Variants in C11orf65 observed in about 807,000 individuals in gnomAD.
C11orf65 encodes the protein chromosome 11 open reading frame 65.
In C11orf65, 38 loss-of-function variants were observed where a neutral mutation model predicts 35.3. The observed-to-expected ratio is 1.08, with a 90% confidence interval of 0.83 to 1.41. The LOEUF (loss-of-function observed/expected upper bound fraction) is 1.41. C11orf65 is among the 40% of genes most tolerant of loss of function. C11orf65 has a pLI of 0.00. For synonymous variants in C11orf65, 105 were observed against 114.4 expected (o/e 0.92, Z 0.53); for missense variants, 370 against 367.1 (o/e 1.01, Z -0.06).
intron 2 of C11orf65, among the ~76,000 whole-genome samples, chr11:108,445,531 G>A (rs890432096): frequency 1.3e-5 from 2 of 152,260 alleles, no homozygotes; most frequent in Admixed American, 6.5e-5. Context: ...TGGACCTCTA[G>A]CAAACTCCAA....
At chr11:108,384,172 T>C (rs2091933405) in intron 8 of C11orf65, among the ~76,000 whole-genome samples, 1 of 152,106 alleles carries the variant, frequency 6.6e-6, no homozygotes, top group Non-Finnish European at 1.5e-5. Flanking sequence ...TCTGTGCTGA[T>C]TTAAATTTGT....
At chr11:108,384,561 G>A (rs1409098867) in intron 8 of C11orf65, among the ~76,000 whole-genome samples, 1 of 152,110 alleles carries the variant, frequency 6.6e-6, no homozygotes, top group Non-Finnish European at 1.5e-5. Context: ...AAGCCAAGAT[G>A]GGCAGATCAC....
intron 2 of C11orf65, among the ~76,000 whole-genome samples, chr11:108,358,935 C>A (rs921467171): frequency 6.2e-4 from 94 of 151,464 alleles, no homozygotes; most frequent in Non-Finnish European, 1.0e-3. Flanking sequence ...GATCAAACTC[C>A]CACATAACAA....
chr11:108,444,785 C>T (rs188590341), intron 2 of C11orf65, among the ~76,000 whole-genome samples: 73 of 152,252 alleles, frequency 4.8e-4, no homozygotes, highest in African/African-American at 1.5e-3. Flanking sequence ...GCACCGTGCA[C>T]GAGCTGAAGC....
At chr11:108,403,181 C>A (rs551415673) in intron 6 of C11orf65, among the ~76,000 whole-genome samples, 7 of 152,292 alleles carry the variant, frequency 4.6e-5, no homozygotes, top group Non-Finnish European at 7.4e-5. Context: ...CTGAAGTACA[C>A]ATTCTAATTT....
intron 6 of C11orf65, among the ~76,000 whole-genome samples, chr11:108,318,319 A>G (rs1221359280): frequency 2.6e-5 from 4 of 151,912 alleles, no homozygotes. Flanking sequence ...CTGAGATAGC[A>G]CCACTGCACT....
chr11:108,345,601 C>G (rs2137016114), intron 2 of C11orf65: 1 of 685,260 alleles, frequency 1.5e-6, no homozygotes. Context: ...GCTTCCCTGT[C>G]CAGACTGTTA....
chr11:108,359,375 T>TA (rs1463905573), intron 2 of C11orf65, among the ~76,000 whole-genome samples: 2 of 152,012 alleles, frequency 1.3e-5, no homozygotes, highest in Non-Finnish European at 2.9e-5. Context: ...CTGTCAACAT[T>TA]AGACAGATCA....
At chr11:108,381,609 A>C (rs1450654368), downstream of C11orf65, among the ~76,000 whole-genome samples, 1 of 151,990 alleles carries the variant, frequency 6.6e-6, no homozygotes, top group Non-Finnish European at 1.5e-5. Flanking sequence ...TCTAATTTCT[A>C]ATTTCTCTAA....
At position 108,405,539 on chromosome 11, in the gene C11orf65, AC is replaced by A. The variant is rs774027235; in HGVS notation, c.449del (p.Gly150ValfsTer17). ...TTTCCTTTTTGTCTTCCACCACCAT[AC>A]CATCAGTAGATAGCCAAAACTATTG... ...VSDTFWLSTD[G>X]MVVEDKKESE... is the part of the protein sequence containing the mutation. On this transcript the variant is annotated frameshift_variant, in exon 6 of 9. Transcript: ENST00000393084. LOFTEE classifies it high-confidence loss of function. 8 of 1,613,204 alleles carry A rather than the reference AC, an allele frequency of 5.0e-6. No individual in the cohort carries two copies. The Admixed American group carries it at 6.7e-5, about 13-fold the overall frequency.
chr11:108,408,692 A>ATAAAAAAT (rs2092595981), intron 3 of C11orf65, among the ~76,000 whole-genome samples: 2 of 99,640 alleles, frequency 2.0e-5, no homozygotes, highest in Non-Finnish European at 1.9e-5. Context: ...ATAAAATAAA[A>ATAAAAAAT]TAAAATAAAA....
chr11:108,409,285 T>A lies in C11orf65; in HGVS notation c.175-2136A>T, dbSNP rs11212613. Among the ~76,000 whole-genome samples the A allele has an allele frequency of 4.2e-3, 644 of 152,314 alleles. 5 individuals are homozygous for A. The highest frequency in any genetic ancestry group is 0.011 in the East Asian group (55 of 5,186). On this transcript the variant is annotated intron_variant, in intron 3 of 8. Coordinates refer to ENST00000393084, the MANE Select transcript of C11orf65 (RefSeq NM_152587.5). ...GTCTCTAGTTTTGGGTTAAAATGAA[T>A]AAAACTACTCATTCTGTGAACATTC...
chr11:108,466,012 A>G (rs2093532579), intron 1 of C11orf65, among the ~76,000 whole-genome samples: 1 of 151,902 alleles, frequency 6.6e-6, no homozygotes, highest in African/African-American at 2.4e-5. Context: ...AACAACAACA[A>G]AAAACGACAG....
Position 108,446,361 on chromosome 11 carries a change from A to C in C11orf65, c.82-14523T>G, listed in dbSNP as rs1591579619. On this transcript the variant is annotated intron_variant, in intron 2 of 8. Coordinates refer to ENST00000393084, the MANE Select transcript of C11orf65 (RefSeq NM_152587.5). ...TCACCAAAGTTGAAATGAAGGAAAA[A>C]ATGTTAAGGGCAGCCAGAGAGAAAG... Among the ~76,000 whole-genome samples, 7 of 151,630 alleles carry C rather than the reference A, an allele frequency of 4.6e-5. No homozygotes were observed. The South Asian group carries it at 1.5e-3, about 32-fold the overall frequency.
chr11:108,326,895 G>A (rs879766173), downstream of C11orf65, among the ~76,000 whole-genome samples: 9 of 152,010 alleles, frequency 5.9e-5, no homozygotes, highest in Admixed American at 3.9e-4. Context: ...GTACGACATC[G>A]GCTCACCGCA....
In C11orf65 at chr11:108,435,744, G is replaced by A. The variant is rs1218357328; in HGVS notation, c.82-3906C>T. ...TCTATATATCTGCATATAAATATTAGCCATTTTTTTCTTTTGTTTTCTCCT... is the reference window on the plus strand; with the variant it reads ...TCTATATATCTGCATATAAATATTAACCATTTTTTTCTTTTGTTTTCTCCT... On this transcript the variant is annotated intron_variant, in intron 2 of 8. Transcript: ENST00000393084. Among the ~76,000 whole-genome samples the A allele has an allele frequency of 2.6e-5, 4 of 151,898 alleles. No homozygotes were observed. In the East Asian group the frequency reaches 7.7e-4, roughly 29 times the overall value.
rs1263247290 is a variant in C11orf65 at position 108,335,969 on chromosome 11, T to G, written c.227-677A>C. 6.3e-7 allele frequency: 1 copy of G among 1,591,126 alleles called. No individual in the cohort carries two copies. Among genetic ancestry groups the G allele is most frequent in the African/African-American group, 1.3e-5 (1 of 74,400 alleles). On this transcript the variant is annotated intron_variant, in intron 2 of 3. Transcript: ENST00000524755. ...ACTATCTGTACTTATAAGGTAACTA[T>G]TTGTACTTCTGTTAGTTCACCAAAA...
chr11:108,326,149 G>C lies in C11orf65; in HGVS notation c.641-17078C>G, dbSNP rs1555119899. ...CAGCTGGAAGAAGCACAAGTATTCT[G>C]GGCAAAAAAGGAGCAGAGTCTTGCC... is the stretch of plus-strand genomic sequence containing the variant. On this transcript the variant is annotated intron_variant, in intron 6 of 6. Transcript: ENST00000525729. 6.2e-7 allele frequency: 1 copy of C among 1,613,944 alleles called. No individual in the cohort carries two copies. Among genetic ancestry groups the C allele is most frequent in the Non-Finnish European group, 8.5e-7 (1 of 1,179,962 alleles).
intron 2 of C11orf65, among the ~76,000 whole-genome samples, chr11:108,437,444 G>A (rs546657207): frequency 1.3e-5 from 2 of 152,000 alleles, no homozygotes; most frequent in African/African-American, 4.8e-5. Context: ...AGTGGCTCAC[G>A]CCTGTAATCC....
Sources: gnomAD v4.1 joint callset for allele counts (sites outside exome capture counted in the v4.1 genomes callset) on GRCh38, gnomAD v4.1.1 for gene constraint, MANE v1.5 for transcripts, NCBI Gene and HGNC (gene_info 2026-07-23, HGNC 2026-07-21) for gene names.